Variants in PRKACG observed in about 807,000 individuals in gnomAD.
The protein encoded by PRKACG is cAMP-dependent protein kinase catalytic subunit gamma.
A neutral mutation model predicts 25.6 loss-of-function variants in PRKACG; 24 were observed. The observed-to-expected ratio is 0.94, with a 90% CI of 0.68 to 1.32. The LOEUF is 1.32. Ranked by LOEUF, PRKACG falls within the 40% of genes most tolerant of loss-of-function variation. PRKACG has a pLI of 0.00. For missense variants in PRKACG, 481 were observed against 462.9 expected (o/e 1.04, Z -0.36); for synonymous variants, 202 against 195.9 (o/e 1.03, Z -0.26).
Position 69,012,808 on chromosome 9 carries a change from G to A in PRKACG, c.*229C>T. 1.8e-6 allele frequency: 1 copy of A among 546,884 alleles called. No homozygotes were observed. Among genetic ancestry groups the A allele is most frequent in the South Asian group, 2.4e-5 (1 of 41,496 alleles). 33.9% of individuals were successfully genotyped at this position (546,884 alleles called of 1,614,324 possible). On this transcript the variant is annotated 3_prime_UTR_variant, in exon 1 of 1. Transcript: ENST00000377276. ...GGGGGACCCTGTGGGAGGAGAAAGA[G>A]AGAAGCACAGAGGGACCAGGAAGGC... is the stretch of plus-strand genomic sequence containing the variant.
rs566948575 is a variant in PRKACG, at chr9:69,012,842, G to C, written c.*195C>G. ...AGAGGGACCAGGAAGGCATGGGGGG[G>C]GGTGAGGGAGCAGCTGGTGTTTCTG... On this transcript the variant is annotated 3_prime_UTR_variant, in exon 1 of 1. Transcript: ENST00000377276. The C allele has an allele frequency of 5.9e-4, 350 of 594,450 alleles. 5 individuals carry two copies. Among genetic ancestry groups the C allele is most frequent in the South Asian group, 3.7e-3 (171 of 46,370 alleles). The allele number at this position is 594,450 out of a possible 1,614,324, so 36.8% of individuals were successfully genotyped here.
Position 69,013,476 on chromosome 9 carries a change from A to G in PRKACG, c.617T>C (p.Leu206Pro), listed in dbSNP as rs1490470211. The G allele has an allele frequency of 6.2e-7, 1 of 1,613,874 alleles. No individual in the cohort carries two copies. The highest frequency in any genetic ancestry group is 1.3e-5 in the African/African-American group (1 of 74,898). Reference sequence around the variant, plus strand: ...TTTGCTCAGGATGATCTCGGGGGCCAGGTACTCTGGGGTCCCGCACAAGGT... The same window carrying G: ...TTTGCTCAGGATGATCTCGGGGGCCGGGTACTCTGGGGTCCCGCACAAGGT... ...TWTLCGTPEYLAPEIILSKGY... is the reference protein window; with the variant it reads ...TWTLCGTPEYPAPEIILSKGY... Residue 206 changes from leucine (L) to proline (P), a missense_variant, in exon 1 of 1, where the codon CTG becomes CCG. Coordinates refer to ENST00000377276, the MANE Select transcript of PRKACG (RefSeq NM_002732.4).
At position 69,013,266 on chromosome 9, in the gene PRKACG, A is replaced by C; in HGVS notation, c.827T>G (p.Val276Gly). The change falls in exon 1 of 1, where the codon GTG becomes GGG. Residue 276 changes from valine to glycine, a missense_variant. Physicochemically the swap from Val to Gly is moderately radical, Grantham distance 109 (BLOSUM62 -3). Coordinates refer to ENST00000377276, the MANE Select transcript of PRKACG (RefSeq NM_002732.4). ...LKHLLRSLLQ[V>G]DLTKRFGNLR... ...GTTTCCGAAGCGCTTGGTGAGGTCC[A>C]CCTGCAGCAGGCTCCGCAGCAGATG... 6.2e-7 allele frequency: 1 copy of C among 1,614,106 alleles called. No homozygotes were observed. The highest frequency in any genetic ancestry group is 8.5e-7 in the Non-Finnish European group (1 of 1,180,032).
rs549436164 is a variant in PRKACG, at chr9:69,012,836, G to A, written c.*201C>T. 1 of 519,466 alleles carries A rather than the reference G, an allele frequency of 1.9e-6. No individual in the cohort carries two copies. Among genetic ancestry groups the A allele is most frequent in the South Asian group, 2.4e-5 (1 of 41,336 alleles). 32.2% of individuals were successfully genotyped at this position (519,466 alleles called of 1,614,324 possible). A position where few individuals can be genotyped will look rare whatever the true frequency, so the allele number is the denominator to read the frequency against. On this transcript the variant is annotated 3_prime_UTR_variant, in exon 1 of 1. Coordinates refer to ENST00000377276, the MANE Select transcript of PRKACG (RefSeq NM_002732.4). ...AAGCACAGAGGGACCAGGAAGGCAT[G>A]GGGGGGGGTGAGGGAGCAGCTGGTG...
rs1831288807 is a variant in PRKACG at position 69,012,916 on chromosome 9, G to A, written c.*121C>T. On this transcript the variant is annotated 3_prime_UTR_variant, in exon 1 of 1. Coordinates refer to ENST00000377276, the MANE Select transcript of PRKACG (RefSeq NM_002732.4). Reference sequence around the variant, plus strand: ...TGCTCCCCCAACCCTGGAGGGTGGGGTGAGGATGAAATTAGATACAAGGAA... The same window carrying A: ...TGCTCCCCCAACCCTGGAGGGTGGGATGAGGATGAAATTAGATACAAGGAA... 2 of 986,918 alleles carry A rather than the reference G, an allele frequency of 2.0e-6. No homozygotes were observed. The highest frequency in any genetic ancestry group is 2.7e-5 in the Admixed American group (1 of 36,552). The allele number at this position is 986,918 out of a possible 1,614,324, so 61.1% of individuals were successfully genotyped here. A position where few individuals can be genotyped will look rare whatever the true frequency, so the allele number is the denominator to read the frequency against.
rs1324457293 is a variant in PRKACG, at chr9:69,013,970, C to A, written c.123G>T (p.Ser41=). The A allele has an allele frequency of 1.2e-6, 2 of 1,613,742 alleles. No homozygotes were observed. The highest frequency in any genetic ancestry group is 2.2e-5 in the South Asian group (2 of 91,076). ...WGNPAQNTAS[S]DQFERLRTLG... ...GCGTCCTGAGCCGTTCGAACTGATC[C>A]GAGCTGGCGGTGTTTTGAGCGGGGT... Residue 41 remains serine, a synonymous_variant, in exon 1 of 1, where the codon TCG becomes TCT. Transcript: ENST00000377276.
Position 69,013,519 on chromosome 9 carries a change from C to G in PRKACG, c.574G>C (p.Val192Leu), listed in dbSNP as rs373257940. The G allele has an allele frequency of 2.1e-5, 34 of 1,613,908 alleles. No individual in the cohort carries two copies. Among genetic ancestry groups the G allele is most frequent in the Non-Finnish European group, 2.8e-5 (33 of 1,180,012 alleles). Residue 192 changes from valine (V) to leucine (L), a missense_variant, in exon 1 of 1, where the codon GTG (valine) becomes CTG (leucine). Val to Leu is a conservative substitution (Grantham distance 32). Transcript: ENST00000377276. ...QVTDFGFAKR[V>L]KGRTWTLCGT... ...CACAAGGTCCAAGTGCGGCCCTTCA[C>G]GCGCTTGGCGAAACCGAAGTCCGTC...
chr9:69,013,556 G>C lies in PRKACG; in HGVS notation c.537C>G (p.Gly179=). The part of the protein sequence containing the change: ...KPENLLIDQQ[G]YLQVTDFGFA... ...AACCGAAGTCCGTCACCTGCAGGTA[G>C]CCCTGCTGGTCGATGAGGAGATTCT... is the stretch of plus-strand genomic sequence containing the variant. Residue 179 remains glycine, a synonymous_variant, in exon 1 of 1, where the codon GGC becomes GGG. Transcript: ENST00000377276. 6.2e-7 allele frequency: 1 copy of C among 1,613,828 alleles called. No homozygotes were observed. Among genetic ancestry groups the C allele is most frequent in the Non-Finnish European group, 8.5e-7 (1 of 1,179,876 alleles).
Position 69,013,585 on chromosome 9 carries a change from G to A in PRKACG, c.508C>T (p.Pro170Ser). ...TGCTGGTCGATGAGGAGATTCTCGG[G>A]CTTCAGGTCGCGGTGGATGAGGTCG... is the stretch of plus-strand genomic sequence containing the variant. The part of the protein sequence containing the change: ...SLDLIHRDLK[P>S]ENLLIDQQGY... The change falls in exon 1 of 1, where the codon CCC becomes TCC. Residue 170 changes from proline (P) to serine (S), a missense_variant. Coordinates refer to ENST00000377276, the MANE Select transcript of PRKACG (RefSeq NM_002732.4). The A allele has an allele frequency of 1.2e-6, 2 of 1,613,008 alleles. No individual in the cohort carries two copies. The highest frequency in any genetic ancestry group is 1.7e-6 in the Non-Finnish European group (2 of 1,179,524).
At position 69,013,339 on chromosome 9, in the gene PRKACG, C is replaced by T. The variant is rs1421325147; in HGVS notation, c.754G>A (p.Val252Ile). The part of the protein sequence containing the change: ...DQPIQIYEKI[V>I]SGRVRFPSKL... ...GAGGGAAACCGCACCCTCCCAGAGA[C>T]GATCTTCTCGTAGATCTGGATGGGC... Residue 252 changes from valine (V) to isoleucine (I), a missense_variant, in exon 1 of 1, where the codon GTC (valine) becomes ATC (isoleucine). Physicochemically the swap from Val to Ile is conservative, Grantham distance 29. Transcript: ENST00000377276. 4 of 1,614,086 alleles carry T rather than the reference C, an allele frequency of 2.5e-6. No homozygotes were observed. The highest frequency in any genetic ancestry group is 3.4e-6 in the Non-Finnish European group (4 of 1,180,020).
rs766067371 is a variant in PRKACG at position 69,014,113 on chromosome 9, C to A, written c.-21G>T. 3 of 1,304,756 alleles carry A rather than the reference C, an allele frequency of 2.3e-6. No individual in the cohort carries two copies. Among genetic ancestry groups the A allele is most frequent in the Admixed American group, 6.0e-5 (2 of 33,480 alleles). The allele number at this position is 1,304,756 out of a possible 1,614,324, so 80.8% of individuals were successfully genotyped here. On this transcript the variant is annotated 5_prime_UTR_variant, in exon 1 of 1. Coordinates refer to ENST00000377276, the MANE Select transcript of PRKACG (RefSeq NM_002732.4). ...CCCATGGCGGTGGCGGCGGCAGGGG[C>A]GGGGGTCTCGCGGCGGCGGCGGCGG...
At position 69,013,259 on chromosome 9, in the gene PRKACG, G is replaced by A. The variant is rs777132972; in HGVS notation, c.834C>T (p.Leu278=). 1.9e-6 allele frequency: 3 copies of A among 1,614,040 alleles called. No individual in the cohort carries two copies. The highest frequency in any genetic ancestry group is 2.5e-6 in the Non-Finnish European group (3 of 1,180,044). The part of the protein sequence containing the change: ...HLLRSLLQVD[L]TKRFGNLRNG... ...TCCTGAGGTTTCCGAAGCGCTTGGT[G>A]AGGTCCACCTGCAGCAGGCTCCGCA... The change falls in exon 1 of 1, where the codon CTC becomes CTT. Residue 278 remains leucine (L), a synonymous_variant. Transcript: ENST00000377276.
Position 69,012,929 on chromosome 9 carries a change from T to C in PRKACG, c.*108A>G, listed in dbSNP as rs913770828. 1 of 1,131,608 alleles carries C rather than the reference T, an allele frequency of 8.8e-7. No homozygotes were observed. The highest frequency in any genetic ancestry group is 2.6e-5 in the Admixed American group (1 of 39,038). The allele number at this position is 1,131,608 out of a possible 1,614,324, so 70.1% of individuals were successfully genotyped here. ...CTGGAGGGTGGGGTGAGGATGAAAT[T>C]AGATACAAGGAACTCTGGGGCCCTC... On this transcript the variant is annotated 3_prime_UTR_variant, in exon 1 of 1. Transcript: ENST00000377276.
Position 69,013,528 on chromosome 9 carries a change from C to G in PRKACG, c.565G>C (p.Ala189Pro), listed in dbSNP as rs1351393644. 6.2e-7 allele frequency: 1 copy of G among 1,613,896 alleles called. No homozygotes were observed. Among genetic ancestry groups the G allele is most frequent in the South Asian group, 1.1e-5 (1 of 91,054 alleles). ...CAAGTGCGGCCCTTCACGCGCTTGGCGAAACCGAAGTCCGTCACCTGCAGG... is the reference window on the plus strand; with the variant it reads ...CAAGTGCGGCCCTTCACGCGCTTGGGGAAACCGAAGTCCGTCACCTGCAGG... The part of the protein sequence containing the change: ...GYLQVTDFGF[A>P]KRVKGRTWTL... The change falls in exon 1 of 1, where the codon GCC (alanine) becomes CCC (proline). Residue 189 changes from alanine to proline, a missense_variant. Transcript: ENST00000377276.
chr9:69,013,667 G>A lies in PRKACG; in HGVS notation c.426C>T (p.Pro142=). ...CCTGGGCGGCATAGAAACAGGCATGGGGCTCGCTAAACCTTCCGACGCGCT... is the reference window on the plus strand; with the variant it reads ...CCTGGGCGGCATAGAAACAGGCATGAGGCTCGCTAAACCTTCCGACGCGCT... ...RLQRVGRFSE[P]HACFYAAQVV... Residue 142 remains proline (P), a synonymous_variant, in exon 1 of 1, where the codon CCC becomes CCT. Transcript: ENST00000377276. 6.2e-7 allele frequency: 1 copy of A among 1,614,080 alleles called. No individual in the cohort carries two copies. Among genetic ancestry groups the A allele is most frequent in the South Asian group, 1.1e-5 (1 of 91,072 alleles).
chr9:69,012,984 C>A lies in PRKACG; in HGVS notation c.*53G>T. The A allele has an allele frequency of 6.4e-7, 1 of 1,559,044 alleles. No homozygotes were observed. Among genetic ancestry groups the A allele is most frequent in the Non-Finnish European group, 8.7e-7 (1 of 1,155,892 alleles). ...TGTTCAATCCAACCCTCCCATCCCCCAAACCACCAAAAACAAAAAGGAAAG... is the reference window on the plus strand; with the variant it reads ...TGTTCAATCCAACCCTCCCATCCCCAAAACCACCAAAAACAAAAAGGAAAG... On this transcript the variant is annotated 3_prime_UTR_variant, in exon 1 of 1. Coordinates refer to ENST00000377276, the MANE Select transcript of PRKACG (RefSeq NM_002732.4).
In PRKACG at chr9:69,013,792, A is replaced by T; in HGVS notation, c.301T>A (p.Phe101Ile). The change falls in exon 1 of 1, where the codon TTT (phenylalanine) becomes ATT (isoleucine). Residue 101 changes from phenylalanine (F) to isoleucine (I), a missense_variant. Transcript: ENST00000377276. Reference sequence around the variant, plus strand: ...AACTGGAGCTTGACGAGGAACGGAAAGTCGATCGCCTGCAGGATGCGCTTC... The same window carrying T: ...AACTGGAGCTTGACGAGGAACGGAATGTCGATCGCCTGCAGGATGCGCTTC... ...NEKRILQAIDFPFLVKLQFSF... is the reference protein window; with the variant it reads ...NEKRILQAIDIPFLVKLQFSF... 6.2e-7 allele frequency: 1 copy of T among 1,613,922 alleles called. No individual in the cohort carries two copies. Among genetic ancestry groups the T allele is most frequent in the Non-Finnish European group, 8.5e-7 (1 of 1,180,004 alleles).
In PRKACG at chr9:69,013,750, A is replaced by G. The variant is rs770406702; in HGVS notation, c.343T>C (p.Ser115Pro). The change falls in exon 1 of 1, where the codon TCC becomes CCC. Residue 115 changes from serine (S) to proline (P), a missense_variant. Transcript: ENST00000377276. ...TACTCCATCACCAGGTACAGGTAGG[A>G]GTTGTCCTTAAAGGAGAACTGGAGC... ...VKLQFSFKDN[S>P]YLYLVMEYVP... is the part of the protein sequence containing the mutation. 1.2e-6 allele frequency: 2 copies of G among 1,613,998 alleles called. No individual in the cohort carries two copies. The highest frequency in any genetic ancestry group is 2.2e-5 in the South Asian group (2 of 91,080).
Position 69,012,609 on chromosome 9 carries a change from G to T in PRKACG, c.*428C>A, listed in dbSNP as rs12345886. 0.25 allele frequency: 42,664 copies of T among 169,384 alleles called. 5,855 individuals carry two copies. The highest frequency in any genetic ancestry group is 0.34 in the Admixed American group (6,154 of 18,316). 10.5% of individuals were successfully genotyped at this position (169,384 alleles called of 1,614,324 possible). Reference sequence around the variant, plus strand: ...CTCTCTCCTTCCCAGGCAGGATTACGCCAAAGGGTAGGTGTGCTTTTCATT... The same window carrying T: ...CTCTCTCCTTCCCAGGCAGGATTACTCCAAAGGGTAGGTGTGCTTTTCATT... On this transcript the variant is annotated 3_prime_UTR_variant, in exon 1 of 1. Transcript: ENST00000377276.
Sources: allele counts gnomAD v4.1 joint callset, GRCh38; gene constraint gnomAD v4.1.1; transcripts MANE v1.5; gene names NCBI Gene and HGNC (gene_info 2026-07-23, HGNC 2026-07-21).